Variants in PPA2 observed in about 807,000 individuals in gnomAD.
PPA2 encodes inorganic pyrophosphatase 2, mitochondrial.
In PPA2, 48 loss-of-function variants were observed where a neutral mutation model predicts 49.5. The observed-to-expected ratio is 0.97, with a 90% CI of 0.77 to 1.23. The LOEUF (loss-of-function observed/expected upper bound fraction) is 1.23. Among genes scored for constraint, PPA2 ranks in the 50% most tolerant of loss-of-function variants. PPA2 has a pLI of 0.00. For missense variants in PPA2, 429 were observed against 410.1 expected, an observed-to-expected ratio of 1.05 and a Z score of -0.40; for synonymous variants, 131 against 139.9, an observed-to-expected ratio of 0.94 and a Z score of 0.45.
At chr4:105,407,378 T>C (rs1472902099) in intron 7 of PPA2, among the ~76,000 whole-genome samples, 2 of 152,358 alleles carry the variant, frequency 1.3e-5, no homozygotes, top group East Asian at 1.9e-4. Flanking sequence ...AGCAACTGGA[T>C]ACCTTGCTAG....
intron 4 of PPA2, among the ~76,000 whole-genome samples, chr4:105,447,736 CT>C (rs5860798): frequency 0.4 from 54,687 of 136,912 alleles, 9,388 homozygotes; most frequent in East Asian, 0.63. Flanking sequence ...TTTCTTTTTT[CT>C]TTTTTTTTTT....
chr4:105,450,660 C>T (rs373714506), intron 3 of PPA2, among the ~76,000 whole-genome samples: 2 of 126,638 alleles, frequency 1.6e-5, no homozygotes, highest in Admixed American at 9.7e-5. Context: ...CAGGCTGGAG[C>T]GCAGTGGCGC....
chr4:105,382,549 A>C (rs1414408838), intron 10 of PPA2, among the ~76,000 whole-genome samples: 1 of 152,206 alleles, frequency 6.6e-6, no homozygotes, highest in Admixed American at 6.5e-5. Flanking sequence ...ATGCACACAC[A>C]AACACACATT....
At chr4:105,472,951 T>G (rs1371973178) in intron 1 of PPA2, among the ~76,000 whole-genome samples, 2 of 152,232 alleles carry the variant, frequency 1.3e-5, no homozygotes, top group East Asian at 3.9e-4. Flanking sequence ...CAACTTAAAC[T>G]CGTCCGGGGT....
At chr4:105,395,999 T>G (rs1047324109) in intron 9 of PPA2, among the ~76,000 whole-genome samples, 3 of 152,208 alleles carry the variant, frequency 2.0e-5, no homozygotes, top group African/African-American at 7.2e-5. Context: ...TTTTCATCTT[T>G]GCACAATGTA....
chr4:105,400,103 C>T (rs1009467637), intron 7 of PPA2, among the ~76,000 whole-genome samples: 2 of 152,006 alleles, frequency 1.3e-5, no homozygotes, highest in East Asian at 1.9e-4. Context: ...CCACAAAGCA[C>T]GAGAGTAGTG....
intron 6 of PPA2, among the ~76,000 whole-genome samples, chr4:105,433,939 G>C (rs1723932870): frequency 6.6e-6 from 1 of 152,144 alleles, no homozygotes; most frequent in Non-Finnish European, 1.5e-5. Flanking sequence ...AACTTATACA[G>C]GCTGGATCAT....
chr4:105,381,989 T>C (rs1391941238), intron 10 of PPA2, among the ~76,000 whole-genome samples: 2 of 152,108 alleles, frequency 1.3e-5, no homozygotes, highest in East Asian at 1.9e-4. Context: ...AATTGTTAAG[T>C]TGAACTTCTA....
intron 9 of PPA2, among the ~76,000 whole-genome samples, chr4:105,388,527 T>TA (rs997895192): frequency 6.6e-6 from 1 of 152,126 alleles, no homozygotes; most frequent in Non-Finnish European, 1.5e-5. Flanking sequence ...TTTTTCACCT[T>TA]AAAAAATGTA....
chr4:105,414,393 C>T (rs1387354956), intron 7 of PPA2, among the ~76,000 whole-genome samples: 1 of 152,230 alleles, frequency 6.6e-6, no homozygotes, highest in Admixed American at 6.5e-5. Context: ...TGGGCTCCTT[C>T]CACCCACTCG....
At chr4:105,455,584 A>G (rs1223468758) in intron 2 of PPA2, among the ~76,000 whole-genome samples, 1 of 152,226 alleles carries the variant, frequency 6.6e-6, no homozygotes. Context: ...GAGATAAACC[A>G]TATCAAGCAG....
In PPA2 at chr4:105,402,545, G is replaced by C. The variant is rs563995538; in HGVS notation, c.656-3381C>G. 3.3e-5 allele frequency among the ~76,000 whole-genome samples: 5 copies of C among 152,286 alleles called. No individual in the cohort carries two copies. In the East Asian group the frequency reaches 7.7e-4, roughly 24 times the overall value. On this transcript the variant is annotated intron_variant, in intron 7 of 11. Coordinates refer to ENST00000341695, the MANE Select transcript of PPA2 (RefSeq NM_176869.3). ...TTTTAACATTTCAGGGAGACAGTAA[G>C]AAAGTCCCATGGCTAGAGCACAGTG... is the stretch of plus-strand genomic sequence containing the variant.
At position 105,446,399 on chromosome 4, in the gene PPA2, T is replaced by A; in HGVS notation, c.425A>T (p.Tyr142Phe). Residue 142 changes from tyrosine (Y) to phenylalanine (F), a missense_variant, in exon 5 of 12, where the codon TAT becomes TTT. Transcript: ENST00000341695. ...AAATGTTACCTGAGGGAGGGTACCA[T>A]AATTCCATATATAACCCTTGTAAGG... is the stretch of plus-strand genomic sequence containing the variant. ...IFPYKGYIWN[Y>F]GTLPQTWEDP... 1 of 1,573,592 alleles carries A rather than the reference T, an allele frequency of 6.4e-7. No homozygotes were observed. Among genetic ancestry groups the A allele is most frequent in the Non-Finnish European group, 8.6e-7 (1 of 1,159,912 alleles).
intron 7 of PPA2, chr4:105,405,953 A>G (rs2713872): frequency 1.5e-5 from 6 of 393,770 alleles, no homozygotes; most frequent in Non-Finnish European, 2.6e-5. Context: ...TGAGACCTGT[A>G]TCAAGAGAAA....
intron 1 of PPA2, among the ~76,000 whole-genome samples, chr4:105,471,169 A>C (rs1453533031): frequency 6.6e-6 from 1 of 152,164 alleles, no homozygotes. Context: ...GTGTTCAACT[A>C]AGCAGTCTGG....
intron 9 of PPA2, among the ~76,000 whole-genome samples, chr4:105,387,220 C>T (rs554106083): frequency 6.6e-6 from 1 of 152,128 alleles, no homozygotes; most frequent in Non-Finnish European, 1.5e-5. Context: ...GCATGCTACT[C>T]ATTACATACT....
intron 7 of PPA2, among the ~76,000 whole-genome samples, chr4:105,417,414 T>A (rs1481379564): frequency 6.6e-6 from 1 of 152,126 alleles, no homozygotes; most frequent in Non-Finnish European, 1.5e-5. Flanking sequence ...GATCAGAAGA[T>A]CCACTCTACA....
chr4:105,435,490 G>A (rs184086485), intron 6 of PPA2, among the ~76,000 whole-genome samples: 5 of 152,030 alleles, frequency 3.3e-5, no homozygotes, highest in African/African-American at 7.2e-5. Flanking sequence ...CAGAGCACCC[G>A]GATTCATAAA....
At chr4:105,388,126 C>G (rs1348579768) in intron 9 of PPA2, among the ~76,000 whole-genome samples, 1 of 152,128 alleles carries the variant, frequency 6.6e-6, no homozygotes, top group African/African-American at 2.4e-5. Context: ...CAACCAATTA[C>G]ATTTGAATTT....
Sources: allele counts gnomAD v4.1 joint callset (sites outside exome capture counted in the v4.1 genomes callset), GRCh38; gene constraint gnomAD v4.1.1; transcripts MANE v1.5; gene names NCBI Gene and HGNC (gene_info 2026-07-23, HGNC 2026-07-21).